Variants in NRG3 observed in about 807,000 individuals in gnomAD.
NRG3 encodes the protein neuregulin 3, also known as pro-neuregulin-3, membrane-bound isoform.
Under a neutral mutation model 66.9 loss-of-function variants are expected in NRG3, and 31 were observed. The ratio of observed to expected loss-of-function variants is 0.46; its 90% CI spans 0.35 to 0.63. NRG3 has a LOEUF of 0.63. Among genes scored for constraint, NRG3 ranks in the 20% least tolerant of loss-of-function variants. The pLI, the probability that NRG3 is intolerant of heterozygous loss-of-function variation, is 0.00. For missense variants in NRG3, 910 were observed against 878.9 expected, an observed-to-expected ratio of 1.04 and a Z score of -0.45; for synonymous variants, 393 against 359.4, an observed-to-expected ratio of 1.09 and a Z score of -1.06.
At chr10:82,730,212 G>T (rs749856543) in intron 2 of NRG3, among the ~76,000 whole-genome samples, 1 of 151,456 alleles carries the variant, frequency 6.6e-6, no homozygotes, top group Non-Finnish European at 1.5e-5. Flanking sequence ...AGCCTCCCAG[G>T]TAGCTGAGAC....
chr10:82,677,048 C>T (rs573871998), intron 2 of NRG3, among the ~76,000 whole-genome samples: 13 of 140,224 alleles, frequency 9.3e-5, no homozygotes, highest in African/African-American at 3.9e-4. Context: ...CTTTCTTTCT[C>T]TCTCTCTCTC....
chr10:82,584,406 G>T (rs1038943185), intron 2 of NRG3, among the ~76,000 whole-genome samples: 1 of 152,090 alleles, frequency 6.6e-6, no homozygotes, highest in Non-Finnish European at 1.5e-5. Context: ...TTAATCTCAG[G>T]AGCCAACTCC....
At chr10:82,249,309 T>C (rs1386771047) in intron 1 of NRG3, among the ~76,000 whole-genome samples, 1 of 152,160 alleles carries the variant, frequency 6.6e-6, no homozygotes, top group Non-Finnish European at 1.5e-5. Context: ...TGGATTTCCA[T>C]GTGAGAATAG....
At chr10:82,683,179 C>T (rs1026880869) in intron 2 of NRG3, among the ~76,000 whole-genome samples, 1 of 151,776 alleles carries the variant, frequency 6.6e-6, no homozygotes, top group African/African-American at 2.4e-5. Context: ...AGGATGGTCT[C>T]GATCTGACCT....
At chr10:82,230,442 A>C (rs2076399831) in intron 1 of NRG3, 1 of 152,182 alleles carries the variant, frequency 6.6e-6, no homozygotes, top group Non-Finnish European at 1.5e-5. Context: ...GGAAAAGAAC[A>C]GGTCAATGCC....
intron 7 of NRG3, among the ~76,000 whole-genome samples, chr10:82,976,522 T>A (rs2132619637): frequency 6.6e-6 from 1 of 152,332 alleles, no homozygotes; most frequent in Non-Finnish European, 1.5e-5. Flanking sequence ...ATGCTTTGCA[T>A]ACTTCCTCTC....
At chr10:82,692,450 G>A (rs1458063746) in intron 2 of NRG3, among the ~76,000 whole-genome samples, 1 of 152,130 alleles carries the variant, frequency 6.6e-6, no homozygotes, top group Non-Finnish European at 1.5e-5. Context: ...CTGGGTTCTT[G>A]TCTCAAGACC....
intron 2 of NRG3, among the ~76,000 whole-genome samples, chr10:82,574,009 A>G (rs1382188026): frequency 1.3e-5 from 2 of 151,828 alleles, no homozygotes; most frequent in African/African-American, 2.4e-5. Flanking sequence ...GAACTACAAT[A>G]TGATCCAACC....
chr10:82,726,077 G>T (rs2057580411), intron 2 of NRG3, among the ~76,000 whole-genome samples: 1 of 152,116 alleles, frequency 6.6e-6, no homozygotes, highest in African/African-American at 2.4e-5. Flanking sequence ...AGAAGGTGGG[G>T]TCTGCAACCC....
At chr10:82,923,973 C>T (rs1846720810) in intron 4 of NRG3, among the ~76,000 whole-genome samples, 2 of 151,594 alleles carry the variant, frequency 1.3e-5, no homozygotes, top group African/African-American at 4.9e-5. Context: ...TGGCAGGCAC[C>T]TGTCATCCCA....
intron 1 of NRG3, among the ~76,000 whole-genome samples, chr10:81,976,190 A>G (rs991388181): frequency 6.6e-6 from 1 of 152,208 alleles, no homozygotes; most frequent in Non-Finnish European, 1.5e-5. Context: ...TTGGGTATTT[A>G]TAACACATAC....
chr10:82,190,654 T>C (rs1357724261), intron 1 of NRG3, among the ~76,000 whole-genome samples: 1 of 152,136 alleles, frequency 6.6e-6, no homozygotes, highest in Non-Finnish European at 1.5e-5. Flanking sequence ...CTCAAACAAA[T>C]TGGTTTACTC....
At chr10:82,928,625 TA>T (rs4034738) in intron 4 of NRG3, among the ~76,000 whole-genome samples, 56,092 of 149,946 alleles carry the variant, frequency 0.37, 11,213 homozygotes, top group Middle Eastern at 0.48. Context: ...TTTTTTTTTT[TA>T]AAAGTAAATC....
intron 2 of NRG3, among the ~76,000 whole-genome samples, chr10:82,472,011 ATTAC>A (rs1564960999): frequency 1.3e-5 from 2 of 152,190 alleles, no homozygotes; most frequent in African/African-American, 4.8e-5. Flanking sequence ...AGTAGGATAA[ATTAC>A]TTAATATGAG....
At chr10:82,311,964 A>T (rs544880363) in intron 1 of NRG3, among the ~76,000 whole-genome samples, 129 of 152,330 alleles carry the variant, frequency 8.5e-4, no homozygotes, top group African/African-American at 2.8e-3. Flanking sequence ...TGAACAAATT[A>T]TTCAACCTCT....
intron 1 of NRG3, among the ~76,000 whole-genome samples, chr10:82,091,146 A>G (rs1437096021): frequency 2.6e-5 from 4 of 152,100 alleles, no homozygotes; most frequent in East Asian, 1.9e-4. Context: ...AAATTGTGAT[A>G]AGATATACAT....
chr10:82,585,762 C>T (rs1443033289), intron 2 of NRG3, among the ~76,000 whole-genome samples: 1 of 152,182 alleles, frequency 6.6e-6, no homozygotes, highest in Non-Finnish European at 1.5e-5. Flanking sequence ...GCTCAGCCTC[C>T]TTCAAAGCAC....
At chr10:82,030,614 T>C (rs1235756568) in intron 1 of NRG3, among the ~76,000 whole-genome samples, 2 of 151,898 alleles carry the variant, frequency 1.3e-5, no homozygotes, top group African/African-American at 2.4e-5. Context: ...CTCAGCACTT[T>C]AATGGAGGAT....
At chr10:82,317,593 A>T (rs1399569974) in intron 1 of NRG3, among the ~76,000 whole-genome samples, 2 of 152,106 alleles carry the variant, frequency 1.3e-5, no homozygotes, top group African/African-American at 4.8e-5. Context: ...CTCCTAAGTC[A>T]CCTACTTTCA....
Sources: allele counts gnomAD v4.1 joint callset (sites outside exome capture counted in the v4.1 genomes callset), GRCh38; gene constraint gnomAD v4.1.1; transcripts MANE v1.5; gene names NCBI Gene and HGNC (gene_info 2026-07-23, HGNC 2026-07-21).